The following MEF2A variants were observed in gnomAD, a reference collection of about 807,000 sequenced individuals.
The protein encoded by MEF2A is myocyte enhancer factor 2A, also known as myocyte-specific enhancer factor 2A.
MEF2A carries 28 observed loss-of-function variants against 55.8 expected under a neutral mutation model. The ratio of observed to expected loss-of-function variants is 0.50; its 90% CI spans 0.37 to 0.69. The LOEUF (loss-of-function observed/expected upper bound fraction) is 0.69. Ranked by LOEUF, MEF2A falls within the 30% of genes least tolerant of loss-of-function variation. The pLI is 0.00. For missense variants in MEF2A, 528 were observed against 626.2 expected (o/e 0.84, Z 1.67); for synonymous variants, 239 against 227.1 (o/e 1.05, Z -0.47).
intron 9 of MEF2A, among the ~76,000 whole-genome samples, chr15:99,705,106 T>C (rs2057874236): frequency 1.3e-5 from 2 of 152,214 alleles, no homozygotes; most frequent in South Asian, 4.1e-4. Flanking sequence ...CCTTGAGCTC[T>C]AAAGTATAAT....
intron 1 of MEF2A, among the ~76,000 whole-genome samples, chr15:99,577,134 C>T (rs1964550376): frequency 6.6e-6 from 1 of 152,184 alleles, no homozygotes. Context: ...TCCTTTTTAA[C>T]TCTGTGTTAC....
chr15:99,694,158 C>T (rs949337283), intron 8 of MEF2A, among the ~76,000 whole-genome samples: 13 of 152,236 alleles, frequency 8.5e-5, no homozygotes, highest in African/African-American at 2.9e-4. Context: ...TAAGACTTTC[C>T]TTGCTTTAAT....
rs1025037210 is a variant in MEF2A at position 99,616,579 on chromosome 15, G to C, written c.-142-16399G>C. Among the ~76,000 whole-genome samples, 5 of 152,138 alleles carry C rather than the reference G, an allele frequency of 3.3e-5. No individual in the cohort carries two copies. The East Asian group carries it at 9.6e-4, about 29-fold the overall frequency. ...AATTAATAAGAGGCAATTAAGCATA[G>C]TATTAACAGTGTAGCTCCTTTGGGA... is the stretch of plus-strand genomic sequence containing the variant. On this transcript the variant is annotated intron_variant, in intron 2 of 11. Transcript: ENST00000557942.
At chr15:99,588,588 G>A (rs1408997791) in intron 1 of MEF2A, among the ~76,000 whole-genome samples, 1 of 151,570 alleles carries the variant, frequency 6.6e-6, no homozygotes, top group East Asian at 2.0e-4. Flanking sequence ...TTACAGGTGT[G>A]AGCCACTGCA....
intron 10 of MEF2A, among the ~76,000 whole-genome samples, chr15:99,709,772 C>T (rs1035037599): frequency 8.5e-5 from 13 of 152,186 alleles, no homozygotes; most frequent in African/African-American, 2.2e-4. Flanking sequence ...CCAGTGATTA[C>T]GACTGAAGCA....
chr15:99,648,150 A>C (rs2046281022), intron 4 of MEF2A, among the ~76,000 whole-genome samples: 6 of 152,220 alleles, frequency 3.9e-5, no homozygotes, highest in Admixed American at 3.3e-4. Flanking sequence ...AAAGTACTTT[A>C]CAGTTGCCTC....
At chr15:99,703,666 A>C (rs747627440) in intron 9 of MEF2A, among the ~76,000 whole-genome samples, 6 of 151,944 alleles carry the variant, frequency 3.9e-5, no homozygotes, top group Non-Finnish European at 8.8e-5. Flanking sequence ...TTTTTTTTTA[A>C]GGAAAGATAC....
At chr15:99,668,979 A>G (rs1567383006) in intron 4 of MEF2A, among the ~76,000 whole-genome samples, 1 of 152,182 alleles carries the variant, frequency 6.6e-6, no homozygotes, top group African/African-American at 2.4e-5. Context: ...AAATTCTCTC[A>G]TGGTGACAGA....
rs1467527861 is a variant in MEF2A at position 99,690,396 on chromosome 15, C to T, written c.826C>T (p.Pro276Ser). ...GAAACCAGATCTTCGAGTTGTCATC[C>T]CCCCTTCAAGCAAGGGCATGATGCC... The part of the protein sequence containing the change: ...SRKPDLRVVI[P>S]PSSKGMMPPL... The change falls in exon 8 of 12, where the codon CCC (proline) becomes TCC (serine). Residue 276 changes from proline to serine, a missense_variant. Coordinates refer to ENST00000557942, the MANE Select transcript of MEF2A (RefSeq NM_001319206.4). 2.5e-6 allele frequency: 4 copies of T among 1,605,354 alleles called. No homozygotes were observed. The African/African-American group carries it at 5.4e-5, about 22-fold the overall frequency.
At chr15:99,585,946 A>G (rs191715802) in intron 1 of MEF2A, among the ~76,000 whole-genome samples, 16 of 152,266 alleles carry the variant, frequency 1.1e-4, no homozygotes, top group East Asian at 7.7e-4. Flanking sequence ...GAATCATGCA[A>G]TAGGTATTCT....
chr15:99,683,648 C>G (rs1344606510), intron 7 of MEF2A, among the ~76,000 whole-genome samples: 1 of 151,108 alleles, frequency 6.6e-6, no homozygotes, highest in African/African-American at 2.4e-5. Context: ...AGGTGATCTA[C>G]CCATCTCGGC....
chr15:99,634,819 G>T (rs1383614194), intron 3 of MEF2A, among the ~76,000 whole-genome samples: 1 of 152,162 alleles, frequency 6.6e-6, no homozygotes, highest in East Asian at 1.9e-4. Flanking sequence ...CTGCCAAATG[G>T]GGCAAGGACT....
intron 3 of MEF2A, among the ~76,000 whole-genome samples, chr15:99,641,809 G>T (rs562177051): frequency 1.3e-5 from 2 of 152,146 alleles, no homozygotes; most frequent in African/African-American, 2.4e-5. Context: ...ACATTTTCCA[G>T]CATACCCTCT....
intron 4 of MEF2A, among the ~76,000 whole-genome samples, chr15:99,667,241 A>T (rs1481459475): frequency 6.6e-6 from 1 of 151,982 alleles, no homozygotes; most frequent in African/African-American, 2.4e-5. Flanking sequence ...TATTTATTTG[A>T]GACAGAGTCT....
chr15:99,622,847 C>T (rs1037803191), intron 2 of MEF2A, among the ~76,000 whole-genome samples: 7 of 151,922 alleles, frequency 4.6e-5, no homozygotes, highest in African/African-American at 1.2e-4. Context: ...GGACTACAGG[C>T]GCCGCCACCA....
chr15:99,698,883 C>T (rs887740362), intron 8 of MEF2A, among the ~76,000 whole-genome samples: 3 of 151,596 alleles, frequency 2.0e-5, no homozygotes, highest in African/African-American at 7.3e-5. Flanking sequence ...CAAAATGGTA[C>T]AGCCACTTTG....
intron 9 of MEF2A, among the ~76,000 whole-genome samples, chr15:99,705,215 G>A (rs1487172923): frequency 6.6e-6 from 1 of 152,186 alleles, no homozygotes; most frequent in Admixed American, 6.5e-5. Flanking sequence ...TTTAGAAGCC[G>A]AGCAATACTA....
chr15:99,688,005 C>T (rs2054629522), intron 7 of MEF2A, among the ~76,000 whole-genome samples: 1 of 152,068 alleles, frequency 6.6e-6, no homozygotes. Flanking sequence ...CTTAAGAGGC[C>T]TGTTTGGCTC....
rs767042750 is a variant in MEF2A, at chr15:99,645,546, T to G, written c.55-15T>G. On this transcript the variant is annotated splice_polypyrimidine_tract_variant and intron_variant, in intron 3 of 11. Transcript: ENST00000557942. The stretch of plus-strand genomic sequence containing the variant: ...CTAATGCTTTTAATAAAAATATACC[T>G]TTTTTATTGTTTAGGTCACTTTTAC... 8 of 1,572,050 alleles carry G rather than the reference T, an allele frequency of 5.1e-6. No homozygotes were observed. The highest frequency in any genetic ancestry group is 7.0e-6 in the Non-Finnish European group (8 of 1,145,732).
Sources: gnomAD v4.1 joint callset for allele counts (sites outside exome capture counted in the v4.1 genomes callset) on GRCh38, gnomAD v4.1.1 for gene constraint, MANE v1.5 for transcripts, NCBI Gene and HGNC (gene_info 2026-07-23, HGNC 2026-07-21) for gene names.